Variants in HMGCL observed in about 807,000 individuals in gnomAD.
HMGCL encodes the protein hydroxymethylglutaryl-CoA lyase, mitochondrial.
In HMGCL, 26 loss-of-function variants were observed where a neutral mutation model predicts 37.3. That is an observed-to-expected ratio of 0.70 (90% CI 0.51 to 0.97). HMGCL has a LOEUF of 0.97. HMGCL is among the 50% of genes least tolerant of loss of function. The pLI, the probability that HMGCL is intolerant of heterozygous loss-of-function variation, is 0.00. For missense variants in HMGCL, 379 were observed against 398.1 expected (o/e 0.95, Z 0.41); for synonymous variants, 151 against 148.0 (o/e 1.02, Z -0.15).
chr1:23,810,709 AC>A (rs759386253), intron 6 of HMGCL, 26 bp downstream of exon 6: 1 of 1,610,702 alleles, frequency 6.2e-7, no homozygotes, highest in Non-Finnish European at 8.5e-7. Flanking sequence ...CCCTCACCAA[AC>A]CCCCCGCCCT....
intron 1 of HMGCL, among the ~76,000 whole-genome samples, chr1:23,822,565 T>C (rs1326315432): frequency 2.0e-5 from 3 of 152,154 alleles, no homozygotes; most frequent in Admixed American, 6.5e-5. Flanking sequence ...CCCCCAGGAA[T>C]TCCCTGCTAG....
At chr1:23,814,806 C>T (rs1353231042) in intron 4 of HMGCL, among the ~76,000 whole-genome samples, 2 of 152,158 alleles carry the variant, frequency 1.3e-5, no homozygotes, top group African/African-American at 2.4e-5. Context: ...CCCAGCACCT[C>T]AGAATGTGAC....
At chr1:23,804,033 T>C (rs541633704) in intron 8 of HMGCL, 2 of 263,986 alleles carry the variant, frequency 7.6e-6, no homozygotes, top group African/African-American at 4.4e-5. Flanking sequence ...TGCCCATGCG[T>C]GTGGCCTCAC....
intron 4 of HMGCL, among the ~76,000 whole-genome samples, chr1:23,814,644 C>T (rs1163704969): frequency 6.6e-6 from 1 of 152,176 alleles, no homozygotes; most frequent in Non-Finnish European, 1.5e-5. Flanking sequence ...GCTGAGATTA[C>T]AGGTGTCAGC....
At position 23,808,156 on chromosome 1, in the gene HMGCL, G is replaced by A; in HGVS notation, c.729C>T (p.Ala243=). Residue 243 remains alanine (A), a synonymous_variant, in exon 7 of 9, where the codon GCC becomes GCT. Coordinates refer to ENST00000374490, the MANE Select transcript of HMGCL (RefSeq NM_000191.3). ...TTACCTGCAGGGCCATCAAGGTGTT[G>A]GCCAGGGCTTGACCATAGGTGTCAT... ...HCHDTYGQAL[A]NTLMALQMGV... 1 of 1,614,124 alleles carries A rather than the reference G, an allele frequency of 6.2e-7. No individual in the cohort carries two copies. Among genetic ancestry groups the A allele is most frequent in the Non-Finnish European group, 8.5e-7 (1 of 1,180,004 alleles).
Position 23,825,404 on chromosome 1 carries a change from C to T in HMGCL, c.12G>A (p.Met4Ile), listed in dbSNP as rs1400114765. 1 of 1,559,376 alleles carries T rather than the reference C, an allele frequency of 6.4e-7. No individual in the cohort carries two copies. Among genetic ancestry groups the T allele is most frequent in the Non-Finnish European group, 8.7e-7 (1 of 1,152,116 alleles). Residue 4 changes from methionine (M) to isoleucine (I), a missense_variant, in exon 1 of 9, where the codon ATG becomes ATA. By Grantham distance (10) the Met-to-Ile change is conservative. Coordinates refer to ENST00000374490, the MANE Select transcript of HMGCL (RefSeq NM_000191.3). ...CCAGTCGCCGCGGAAGCGCCTTCCTCATTGCTGCCATCTTGGCCCAGAATC... is the reference window on the plus strand; with the variant it reads ...CCAGTCGCCGCGGAAGCGCCTTCCTTATTGCTGCCATCTTGGCCCAGAATC... Reference protein sequence around the residue: MAAMRKALPRRLVG... With the variant: MAAIRKALPRRLVG...
At chr1:23,813,033 G>A (rs948918816) in intron 5 of HMGCL, among the ~76,000 whole-genome samples, 1 of 150,744 alleles carries the variant, frequency 6.6e-6, no homozygotes, top group Non-Finnish European at 1.5e-5. Flanking sequence ...GGGATTACAG[G>A]TGCATGCCAC....
rs762224192 is a variant in HMGCL, at chr1:23,817,596, G to A, written c.145-13C>T. On this transcript the variant is annotated splice_polypyrimidine_tract_variant and intron_variant, in intron 2 of 8. Transcript: ENST00000374490. ...TAGATACGATATTCTATAGTGGAGAGAGAAACACCAAGGCAGCAAAGTTAG... is the reference window on the plus strand; with the variant it reads ...TAGATACGATATTCTATAGTGGAGAAAGAAACACCAAGGCAGCAAAGTTAG... 1.6e-5 allele frequency: 24 copies of A among 1,527,380 alleles called. No individual in the cohort carries two copies. The highest frequency in any genetic ancestry group is 1.9e-5 in the Non-Finnish European group (21 of 1,101,890). 94.6% of individuals were successfully genotyped at this position (1,527,380 alleles called of 1,614,324 possible).
rs1323486770 is a variant in HMGCL at position 23,804,385 on chromosome 1, GGT to G, written c.876+13_876+14del. The G allele has an allele frequency of 3.7e-6, 6 of 1,614,126 alleles. No homozygotes were observed. The highest frequency in any genetic ancestry group is 5.1e-6 in the Non-Finnish European group (6 of 1,180,018). ...CAGTTCGGGGCTGTCGCCACCAGGGGGTGGGTGGGCTTACCGTGTGAATGCCC... is the reference window on the plus strand; with the variant it reads ...CAGTTCGGGGCTGTCGCCACCAGGGGGGGTGGGCTTACCGTGTGAATGCCC... On this transcript the variant is annotated intron_variant, in intron 8 of 8. Transcript: ENST00000374490.
At chr1:23,813,051 G>A (rs1195474644) in intron 5 of HMGCL, among the ~76,000 whole-genome samples, 2 of 151,626 alleles carry the variant, frequency 1.3e-5, no homozygotes, top group African/African-American at 4.8e-5. Context: ...CACTACGCCC[G>A]GCTAATTTTT....
chr1:23,817,666 A>G (rs1638636762), intron 2 of HMGCL, 83 bp from the exon 3 acceptor site: 1 of 844,806 alleles, frequency 1.2e-6, no homozygotes, highest in East Asian at 2.4e-5. Context: ...TTCAAGTACT[A>G]TAGATAATTT....
At position 23,814,166 on chromosome 1, in the gene HMGCL, G is replaced by T. The variant is rs115948624; in HGVS notation, c.497+24C>A. ...CCATTCCAGAACGGTACAGAGGAAA[G>T]GATACCAATGTGCTCTGACTCACCC... On this transcript the variant is annotated intron_variant, in intron 5 of 8. Coordinates refer to ENST00000374490, the MANE Select transcript of HMGCL (RefSeq NM_000191.3). 1.2e-3 allele frequency: 1,910 copies of T among 1,612,426 alleles called. 19 individuals are homozygous for T. The African/African-American group carries it at 0.021, about 18-fold the overall frequency.
In HMGCL at chr1:23,811,088, G is replaced by C. The variant is rs545573462; in HGVS notation, c.498-289C>G. Among the ~76,000 whole-genome samples the C allele has an allele frequency of 2.8e-4, 42 of 152,292 alleles. No homozygotes were observed. The South Asian group carries it at 7.9e-3, about 29-fold the overall frequency. On this transcript the variant is annotated intron_variant, in intron 5 of 8. Transcript: ENST00000374490. Reference sequence around the variant, plus strand: ...CGGAGGAGGAGCTAGAGAGGGCAAGGAGAGTAAGCAGCTGGGTTGTAAGGT... The same window carrying C: ...CGGAGGAGGAGCTAGAGAGGGCAAGCAGAGTAAGCAGCTGGGTTGTAAGGT...
intron 1 of HMGCL, among the ~76,000 whole-genome samples, chr1:23,824,732 T>A (rs1282378416): frequency 6.6e-6 from 1 of 152,202 alleles, no homozygotes; most frequent in Admixed American, 6.5e-5. Flanking sequence ...TAAATAACTA[T>A]GTCATTAAGT....
Position 23,802,470 on chromosome 1 carries a change from T to C in HMGCL, c.971A>G (p.Lys324Arg). Reference sequence around the variant, plus strand: ...TTCAGGTGGGCAAGGGGCTCAGAGTTTACAGGTAGCCTGAGCCACTTTGGA... The same window carrying C: ...TTCAGGTGGGCAAGGGGCTCAGAGTCTACAGGTAGCCTGAGCCACTTTGGA... ...TSSKVAQATC[K>R]L Residue 324 changes from lysine (K) to arginine (R), a missense_variant, in exon 9 of 9, where the codon AAA becomes AGA. Physicochemically the swap from Lys to Arg is conservative, Grantham distance 26 (BLOSUM62 2). Coordinates refer to ENST00000374490, the MANE Select transcript of HMGCL (RefSeq NM_000191.3). The C allele has an allele frequency of 6.2e-7, 1 of 1,606,774 alleles. No homozygotes were observed. Among genetic ancestry groups the C allele is most frequent in the South Asian group, 1.1e-5 (1 of 90,934 alleles).
Position 23,817,105 on chromosome 1 carries a change from A to G in HMGCL, c.253-335T>C, listed in dbSNP as rs541452816. Among the ~76,000 whole-genome samples the G allele has an allele frequency of 2.0e-5, 3 of 152,326 alleles. No individual in the cohort carries two copies. In the South Asian group the frequency reaches 6.2e-4, roughly 32 times the overall value. On this transcript the variant is annotated intron_variant, in intron 3 of 8. Coordinates refer to ENST00000374490, the MANE Select transcript of HMGCL (RefSeq NM_000191.3). ...GCTCTGTGTTAAGCACTCCTTTGTAACAGGATGTTTCTTCTTCACTTAACT... is the reference window on the plus strand; with the variant it reads ...GCTCTGTGTTAAGCACTCCTTTGTAGCAGGATGTTTCTTCTTCACTTAACT...
chr1:23,807,025 C>T (rs576875876), intron 7 of HMGCL: 6 of 518,896 alleles, frequency 1.2e-5, no homozygotes, highest in Admixed American at 9.7e-5. Flanking sequence ...AGACGTCACA[C>T]AGCTCAACCT....
intron 5 of HMGCL, among the ~76,000 whole-genome samples, chr1:23,813,506 G>A (rs1316136277): frequency 6.6e-6 from 1 of 152,084 alleles, no homozygotes; most frequent in Non-Finnish European, 1.5e-5. Context: ...GACCTCAGGT[G>A]ATCCACCTGC....
At chr1:23,809,795 G>C in intron 6 of HMGCL, 1 of 152,250 alleles carries the variant, frequency 6.6e-6, no homozygotes, top group South Asian at 2.1e-4. Context: ...CAGGGAAAGG[G>C]GACCAGAAGA....
Sources: gnomAD v4.1 joint callset for allele counts (sites outside exome capture counted in the v4.1 genomes callset) on GRCh38, gnomAD v4.1.1 for gene constraint, MANE v1.5 for transcripts, NCBI Gene and HGNC (gene_info 2026-07-23, HGNC 2026-07-21) for gene names.